The following KIF6 variants were observed in gnomAD, a reference collection of about 807,000 sequenced individuals.
KIF6 encodes kinesin-like protein KIF6.
In KIF6, 106 loss-of-function variants were observed where a neutral mutation model predicts 112.7. The ratio of observed to expected loss-of-function variants is 0.94; its 90% CI spans 0.80 to 1.11. The LOEUF (loss-of-function observed/expected upper bound fraction) is 1.11, where lower values mean the gene tolerates loss of function less well. Ranked by LOEUF, KIF6 falls within the 50% of genes least tolerant of loss-of-function variation. KIF6 has a pLI of 0.00. For missense variants in KIF6, 929 were observed against 964.0 expected (o/e 0.96, Z 0.48); for synonymous variants, 339 against 339.9 (o/e 1.00, Z 0.03).
At chr6:39,676,201 TA>T (rs1206408574) in intron 3 of KIF6, among the ~76,000 whole-genome samples, 1 of 151,832 alleles carries the variant, frequency 6.6e-6, no homozygotes. Context: ...TGAGAAACCA[TA>T]AAACACCTGC....
At chr6:39,542,953 C>A (rs148658396) in intron 12 of KIF6, among the ~76,000 whole-genome samples, 1 of 152,214 alleles carries the variant, frequency 6.6e-6, no homozygotes. Context: ...TGGAGGGAGC[C>A]CTGTTTGAAT....
intron 3 of KIF6, among the ~76,000 whole-genome samples, chr6:39,646,097 T>C (rs1785158186): frequency 6.6e-6 from 1 of 151,282 alleles, no homozygotes; most frequent in Non-Finnish European, 1.5e-5. Flanking sequence ...TGTGCACATG[T>C]ACCCTAGAAC....
chr6:39,431,422 C>T, intron 13 of KIF6: 1 of 349,634 alleles, frequency 2.9e-6, no homozygotes, highest in Non-Finnish European at 5.2e-6. Flanking sequence ...GGAATGCCTG[C>T]TCGGGGGAAA....
intron 15 of KIF6, among the ~76,000 whole-genome samples, chr6:39,388,284 A>ATTT (rs3048044): frequency 0.029 from 4,262 of 145,098 alleles, 85 homozygotes; most frequent in Non-Finnish European, 0.042. Flanking sequence ...CTAAGGAAGT[A>ATTT]TTTTTTTTTT....
rs74776690 is a variant in KIF6, at chr6:39,654,038, C to T, written c.252-14281G>A. On this transcript the variant is annotated intron_variant, in intron 3 of 22. Coordinates refer to ENST00000287152, the MANE Select transcript of KIF6 (RefSeq NM_145027.6). ...TTGTTTTCACCACAGCACTATAGGACGTGGGGGCCTATGTAATGGCATTAA... is the reference window on the plus strand; with the variant it reads ...TTGTTTTCACCACAGCACTATAGGATGTGGGGGCCTATGTAATGGCATTAA... Among the ~76,000 whole-genome samples, 1,299 of 152,192 alleles carry T rather than the reference C, an allele frequency of 8.5e-3. 20 individuals carry two copies. Among genetic ancestry groups the T allele is most frequent in the African/African-American group, 0.03 (1,238 of 41,496 alleles).
chr6:39,725,271 G>T lies in KIF6; in HGVS notation c.40C>A (p.Pro14Thr), dbSNP rs748597434. The stretch of plus-strand genomic sequence containing the variant: ...CCTTGTTGGTGCTTCCGGACAGGGG[G>T]CTTCACCCTCGCGAATATCTGGATA... ...QTIQIFARVK[P>T]PVRKHQQGIY... The change falls in exon 1 of 23, where the codon CCC becomes ACC. Residue 14 changes from proline to threonine, a missense_variant. This residue lies in a region of KIF6 where 688 missense variants were observed against 662.7 expected (regional missense o/e 1.04). Coordinates refer to ENST00000287152, the MANE Select transcript of KIF6 (RefSeq NM_145027.6). 6 of 1,610,506 alleles carry T rather than the reference G, an allele frequency of 3.7e-6. No homozygotes were observed. The highest frequency in any genetic ancestry group is 5.1e-6 in the Non-Finnish European group (6 of 1,178,678).
Position 39,586,339 on chromosome 6 carries a change from A to C in KIF6, c.912T>G (p.Ser304Arg). The C allele has an allele frequency of 6.2e-7, 1 of 1,614,004 alleles. No homozygotes were observed. Among genetic ancestry groups the C allele is most frequent in the Non-Finnish European group, 8.5e-7 (1 of 1,179,840 alleles). The change falls in exon 8 of 23, where the codon AGT becomes AGG. Residue 304 changes from serine to arginine, a missense_variant. Ser to Arg is a moderately radical substitution (Grantham distance 110). Coordinates refer to ENST00000287152, the MANE Select transcript of KIF6 (RefSeq NM_145027.6). The stretch of plus-strand genomic sequence containing the variant: ...TCCCTCCCAAACTGTCTCTTAGGAC[A>C]CTGGTCATCATGGAGTTTCTATAAG... ...HIPYRNSMMTSVLRDSLGGNC... is the reference protein window; with the variant it reads ...HIPYRNSMMTRVLRDSLGGNC...
At chr6:39,572,568 C>T (rs77673258) in intron 10 of KIF6, among the ~76,000 whole-genome samples, 2,940 of 150,878 alleles carry the variant, frequency 0.019, 94 homozygotes, top group African/African-American at 0.068. Flanking sequence ...AATTTCATCT[C>T]GGAAGTGAAA....
At chr6:39,408,100 A>G (rs1769214978) in intron 15 of KIF6, among the ~76,000 whole-genome samples, 1 of 152,252 alleles carries the variant, frequency 6.6e-6, no homozygotes, top group African/African-American at 2.4e-5. Context: ...CAATGGGCAG[A>G]GAATATGAGA....
At chr6:39,702,834 T>C (rs558413129) in intron 3 of KIF6, among the ~76,000 whole-genome samples, 2 of 152,324 alleles carry the variant, frequency 1.3e-5, no homozygotes, top group Admixed American at 1.3e-4. Context: ...AATTTAATTA[T>C]TTTCCTCTGA....
At chr6:39,553,308 T>C (rs1779497360) in intron 10 of KIF6, among the ~76,000 whole-genome samples, 2 of 152,196 alleles carry the variant, frequency 1.3e-5, no homozygotes, top group African/African-American at 4.8e-5. Flanking sequence ...TTTCCTTCTG[T>C]AGGGTAAATT....
At position 39,443,797 on chromosome 6, in the gene KIF6, CA is replaced by C. The variant is rs1396500290; in HGVS notation, c.1646-12637del. On this transcript the variant is annotated intron_variant, in intron 13 of 22. Coordinates refer to ENST00000287152, the MANE Select transcript of KIF6 (RefSeq NM_145027.6). ...AAAGAATTGCATTCTAGCTAAGGAG[CA>C]AAAAATACCCCTTCCCTGAAATATG... 3.3e-5 allele frequency among the ~76,000 whole-genome samples: 5 copies of C among 151,782 alleles called. No homozygotes were observed. In the East Asian group the frequency reaches 9.6e-4, roughly 29 times the overall value.
intron 13 of KIF6, among the ~76,000 whole-genome samples, chr6:39,492,397 C>T (rs568118985): frequency 2.0e-4 from 31 of 152,306 alleles, no homozygotes; most frequent in Admixed American, 5.9e-4. Flanking sequence ...TAAAGTGTAA[C>T]GAAGTCTTTG....
chr6:39,542,108 C>T (rs965906768), intron 12 of KIF6, among the ~76,000 whole-genome samples: 19 of 152,082 alleles, frequency 1.2e-4, no homozygotes, highest in Non-Finnish European at 2.4e-4. Flanking sequence ...TCATCCAGGC[C>T]CTCGTAAACC....
intron 13 of KIF6, among the ~76,000 whole-genome samples, chr6:39,437,724 T>C (rs1771624566): frequency 6.6e-6 from 1 of 152,194 alleles, no homozygotes; most frequent in Non-Finnish European, 1.5e-5. Flanking sequence ...ACTACAGTCC[T>C]GCCCCACATA....
chr6:39,634,216 T>C (rs1784503605), intron 5 of KIF6, among the ~76,000 whole-genome samples: 2 of 152,170 alleles, frequency 1.3e-5, no homozygotes, highest in African/African-American at 4.8e-5. Flanking sequence ...ATATGAACAG[T>C]TGCCAATTAA....
chr6:39,587,275 G>A (rs769020147), intron 7 of KIF6, among the ~76,000 whole-genome samples: 3 of 152,088 alleles, frequency 2.0e-5, no homozygotes, highest in Non-Finnish European at 4.4e-5. Flanking sequence ...TGTCTTTAAG[G>A]GCATCACAAA....
intron 13 of KIF6, among the ~76,000 whole-genome samples, chr6:39,482,784 C>A (rs558364078): frequency 6.6e-6 from 1 of 152,310 alleles, no homozygotes; most frequent in Admixed American, 6.5e-5. Flanking sequence ...GTCCAGCCCA[C>A]TGGGAGAGAG....
chr6:39,521,259 A>C lies in KIF6; in HGVS notation c.1645+18744T>G, dbSNP rs145970093. ...GCATTCTCAGCTCTGTTTGACCCAA[A>C]TCAAACAGACCAGAAAAAGAATCTC... On this transcript the variant is annotated intron_variant, in intron 13 of 22. Coordinates refer to ENST00000287152, the MANE Select transcript of KIF6 (RefSeq NM_145027.6). Among the ~76,000 whole-genome samples, 779 of 152,280 alleles carry C rather than the reference A, an allele frequency of 5.1e-3. 5 individuals carry two copies. The highest frequency in any genetic ancestry group is 0.018 in the African/African-American group (731 of 41,560).
Sources: allele counts gnomAD v4.1 joint callset (sites outside exome capture counted in the v4.1 genomes callset), GRCh38; gene constraint gnomAD v4.1.1; regional missense constraint gnomAD v4.1.1; transcripts MANE v1.5; gene names NCBI Gene and HGNC (gene_info 2026-07-23, HGNC 2026-07-21).